The following COX10 variants were observed in gnomAD, a reference collection of about 807,000 sequenced individuals.
COX10 encodes protoheme IX farnesyltransferase, mitochondrial.
A neutral mutation model predicts 37.3 loss-of-function variants in COX10; 27 were observed. The observed-to-expected ratio is 0.72, with a 90% confidence interval of 0.53 to 1.00. COX10 has a LOEUF of 1.00. Among genes scored for constraint, COX10 ranks in the 50% least tolerant of loss-of-function variants. The pLI is 0.00. For synonymous variants in COX10, 222 were observed against 229.1 expected, an observed-to-expected ratio of 0.97 and a Z score of 0.28; for missense variants, 475 against 563.2, an observed-to-expected ratio of 0.84 and a Z score of 1.59.
chr17:14,151,066 G>T (rs1184577619), intron 4 of COX10, among the ~76,000 whole-genome samples: 1 of 118,802 alleles, frequency 8.4e-6, no homozygotes. Flanking sequence ...ATAAAGCACA[G>T]GAAAAAAAAA....
At chr17:14,096,596 C>G (rs559703158) in intron 3 of COX10, among the ~76,000 whole-genome samples, 2 of 152,262 alleles carry the variant, frequency 1.3e-5, no homozygotes, top group South Asian at 2.1e-4. Context: ...TCTTGAACTC[C>G]TGACTTCAAC....
chr17:14,093,709 T>C (rs1488262898), intron 3 of COX10, among the ~76,000 whole-genome samples: 1 of 152,128 alleles, frequency 6.6e-6, no homozygotes, highest in Non-Finnish European at 1.5e-5. Context: ...CTCCTTCCAA[T>C]TCCCCCTTAC....
In COX10 at chr17:14,194,952, C is replaced by T. The variant is rs559060637; in HGVS notation, c.928+2731C>T. 1.1e-4 allele frequency among the ~76,000 whole-genome samples: 17 copies of T among 152,262 alleles called. No homozygotes were observed. In the South Asian group the frequency reaches 3.5e-3, roughly 32 times the overall value. The stretch of plus-strand genomic sequence containing the variant: ...ATGTATAACCACAAAGAGAAGTTCC[C>T]TTGGCAGTTTTTGAGGTTGGCTTCT... On this transcript the variant is annotated intron_variant, in intron 6 of 6. Transcript: ENST00000261643.
At chr17:14,096,862 G>C (rs893736539) in intron 3 of COX10, among the ~76,000 whole-genome samples, 1 of 152,024 alleles carries the variant, frequency 6.6e-6, no homozygotes, top group East Asian at 1.9e-4. Flanking sequence ...GGAGAAGCTT[G>C]AGGTTCTCTA....
chr17:14,143,318 T>C (rs943695693), intron 4 of COX10, among the ~76,000 whole-genome samples: 8 of 152,212 alleles, frequency 5.3e-5, no homozygotes, highest in Admixed American at 4.6e-4. Flanking sequence ...TCCATTGAAA[T>C]GTATAAAGAA....
rs984054153 is a variant in COX10, at chr17:14,111,181, C to T, written c.624+8939C>T. 4.1e-4 allele frequency among the ~76,000 whole-genome samples: 63 copies of T among 152,060 alleles called. 1 individual carries two copies. The highest frequency in any genetic ancestry group is 4.1e-3 in the Admixed American group (63 of 15,248). The stretch of plus-strand genomic sequence containing the variant: ...AAGTGATTAAGTAAATCCTAAAATT[C>T]ACATTTTCATGACCACCCATTTCTG... On this transcript the variant is annotated intron_variant, in intron 4 of 6. Transcript: ENST00000261643.
At chr17:14,191,687 G>C (rs1318923732) in intron 5 of COX10, among the ~76,000 whole-genome samples, 1 of 152,178 alleles carries the variant, frequency 6.6e-6, no homozygotes, top group Admixed American at 6.5e-5. Flanking sequence ...GTGAAACCTA[G>C]CTGCCCTATA....
chr17:14,170,579 C>A (rs1905434125), intron 5 of COX10, among the ~76,000 whole-genome samples: 1 of 152,150 alleles, frequency 6.6e-6, no homozygotes, highest in African/African-American at 2.4e-5. Context: ...ATTTGGGAGG[C>A]AAAGGTGGGC....
At chr17:14,183,763 G>T (rs1255941877) in intron 5 of COX10, among the ~76,000 whole-genome samples, 1 of 152,186 alleles carries the variant, frequency 6.6e-6, no homozygotes, top group Non-Finnish European at 1.5e-5. Flanking sequence ...ATTTAAATAG[G>T]TCCTTCCTAT....
intron 4 of COX10, among the ~76,000 whole-genome samples, chr17:14,152,473 A>G (rs1904933465): frequency 6.6e-6 from 1 of 152,188 alleles, no homozygotes; most frequent in Admixed American, 6.5e-5. Flanking sequence ...CAACACGTGG[A>G]AATTATGGGA....
At chr17:14,111,703 T>G (rs1041463502) in intron 4 of COX10, among the ~76,000 whole-genome samples, 1 of 152,150 alleles carries the variant, frequency 6.6e-6, no homozygotes, top group Non-Finnish European at 1.5e-5. Flanking sequence ...TGATATTGCT[T>G]TTAGCAAAAG....
intron 4 of COX10, among the ~76,000 whole-genome samples, chr17:14,116,609 C>T (rs2142209724): frequency 6.6e-6 from 1 of 152,154 alleles, no homozygotes; most frequent in African/African-American, 2.4e-5. Context: ...TCTCAAACCC[C>T]ACATTCATGC....
intron 4 of COX10, among the ~76,000 whole-genome samples, chr17:14,119,632 G>A (rs1916187490): frequency 6.6e-6 from 1 of 152,216 alleles, no homozygotes; most frequent in Non-Finnish European, 1.5e-5. Flanking sequence ...AAATCCTAAA[G>A]ATGAGTAGGA....
chr17:14,164,352 A>G (rs1905232965), intron 5 of COX10, among the ~76,000 whole-genome samples: 2 of 152,256 alleles, frequency 1.3e-5, no homozygotes, highest in Admixed American at 1.3e-4. Flanking sequence ...TGTTATGCCC[A>G]TGTGACTGTC....
rs1017076 is a variant in COX10 at position 14,102,056 on chromosome 17, C to T, written c.500-62C>T. 1,602,200 of 1,610,852 alleles carry T rather than the reference C, an allele frequency of 0.99. 797,172 individuals carry two copies. The highest frequency in any genetic ancestry group is 1 in the East Asian group (44,838 of 44,838). On this transcript the variant is annotated intron_variant, in intron 3 of 6. Transcript: ENST00000261643. ...GAAGGATGGCTTGTTTTTTGTCGTT[C>T]TGGCCTTTACAGTTGGGACTCCTGT...
chr17:14,166,818 T>G (rs775727516), intron 5 of COX10, among the ~76,000 whole-genome samples: 1 of 141,962 alleles, frequency 7.0e-6, no homozygotes, highest in Non-Finnish European at 1.5e-5. Flanking sequence ...GTATTTTTAG[T>G]AGAGATGGGG....
intron 5 of COX10, among the ~76,000 whole-genome samples, chr17:14,185,518 GAT>G (rs1163107993): frequency 1.3e-5 from 2 of 152,010 alleles, no homozygotes; most frequent in Non-Finnish European, 2.9e-5. Context: ...TAGATCTCTT[GAT>G]TAAAACAGCT....
At chr17:14,081,444 C>T (rs904153331) in intron 3 of COX10, among the ~76,000 whole-genome samples, 1 of 152,164 alleles carries the variant, frequency 6.6e-6, no homozygotes, top group African/African-American at 2.4e-5. Flanking sequence ...GAGCTGAGAG[C>T]GCGGAGCTGC....
At chr17:14,116,203 C>T (rs1220458810) in intron 4 of COX10, among the ~76,000 whole-genome samples, 1 of 152,008 alleles carries the variant, frequency 6.6e-6, no homozygotes, top group Non-Finnish European at 1.5e-5. Context: ...ACATCAGTCC[C>T]CGTTATCCTT....
Sources: gnomAD v4.1 joint callset for allele counts (sites outside exome capture counted in the v4.1 genomes callset) on GRCh38, gnomAD v4.1.1 for gene constraint, MANE v1.5 for transcripts, NCBI Gene and HGNC (gene_info 2026-07-23, HGNC 2026-07-21) for gene names.